Variants in JAKMIP3 observed in about 807,000 individuals in gnomAD.
JAKMIP3 encodes the protein janus kinase and microtubule-interacting protein 3.
JAKMIP3 carries 58 observed loss-of-function variants against 118.5 expected under a neutral mutation model. That is an observed-to-expected ratio of 0.49 (90% CI 0.40 to 0.61). JAKMIP3 has a LOEUF of 0.61. Ranked by LOEUF, JAKMIP3 falls within the 20% of genes least tolerant of loss-of-function variation. The pLI, the probability that JAKMIP3 is intolerant of heterozygous loss-of-function variation, is 0.00. For synonymous variants in JAKMIP3, 486 were observed against 451.2 expected, an observed-to-expected ratio of 1.08 and a Z score of -0.98; for missense variants, 950 against 1,109.0, an observed-to-expected ratio of 0.86 and a Z score of 2.04.
In JAKMIP3 at chr10:132,099,219, G is replaced by A. The variant is rs189690851; in HGVS notation, c.-137-5453G>A. On this transcript the variant is annotated intron_variant, in intron 1 of 23. Coordinates refer to ENST00000684848, the MANE Select transcript of JAKMIP3 (RefSeq NM_001323087.2). ...ACAGAGTGGAGCAAAGCTCTAAGGG[G>A]GCCAGCCTCCTCGTCAGCGACACTG... Among the ~76,000 whole-genome samples, 4 of 152,154 alleles carry A rather than the reference G, an allele frequency of 2.6e-5. No individual in the cohort carries two copies. In the East Asian group the frequency reaches 7.7e-4, roughly 29 times the overall value.
intron 12 of JAKMIP3, 143 bp from the exon 13 acceptor site, chr10:132,145,375 G>T (rs1006473991): frequency 2.1e-6 from 2 of 940,880 alleles, no homozygotes; most frequent in South Asian, 1.6e-5. Context: ...CACCACGCCC[G>T]GCTAATTTTT....
At chr10:132,102,097 T>G (rs11146171) in intron 1 of JAKMIP3, among the ~76,000 whole-genome samples, 12 of 151,924 alleles carry the variant, frequency 7.9e-5, no homozygotes, top group Non-Finnish European at 1.3e-4. Context: ...CAGAACCTCC[T>G]GTCCCATCTC....
rs748245231 is a variant in JAKMIP3, at chr10:132,133,358, G to A, written c.680G>A (p.Arg227Lys). 1.2e-6 allele frequency: 2 copies of A among 1,602,098 alleles called. No individual in the cohort carries two copies. The highest frequency in any genetic ancestry group is 1.3e-5 in the African/African-American group (1 of 74,830). The change falls in exon 4 of 24, where the codon AGA becomes AAA. Residue 227 changes from arginine (R) to lysine (K), a missense_variant. Arg to Lys is a conservative substitution (Grantham distance 26, BLOSUM62 2). Coordinates refer to ENST00000684848, the MANE Select transcript of JAKMIP3 (RefSeq NM_001323087.2). ...GACAGAGCAGTCTTCGTGCTGGAGA[G>A]AGAGTTAGGGGTTCAAGCCGGGCAT... ...FKDRAVFVLE[R>K]ELGVQAGHAQ...
chr10:132,124,889 T>C (rs542212480), intron 3 of JAKMIP3, among the ~76,000 whole-genome samples: 2 of 152,368 alleles, frequency 1.3e-5, no homozygotes, highest in East Asian at 3.9e-4. Flanking sequence ...GCCATTTCTT[T>C]AGGACAGCGG....
At chr10:132,160,495 TG>T (rs554766446) in intron 19 of JAKMIP3, among the ~76,000 whole-genome samples, 5 of 17,884 alleles carry the variant, frequency 2.8e-4, no homozygotes, top group Admixed American at 4.5e-4. Flanking sequence ...TGTGTGATGC[TG>T]GGGGGGCCTC....
chr10:132,075,206 G>A (rs142004768), intron 1 of JAKMIP3, among the ~76,000 whole-genome samples: 13 of 152,238 alleles, frequency 8.5e-5, no homozygotes, highest in African/African-American at 4.8e-5. Context: ...TGTGAAAAAT[G>A]ATGTTGGTAA....
chr10:132,115,300 C>T (rs2047466775), intron 2 of JAKMIP3, among the ~76,000 whole-genome samples: 1 of 150,562 alleles, frequency 6.6e-6, no homozygotes, highest in Admixed American at 6.6e-5. Flanking sequence ...TGGCGGGGCA[C>T]TGATCATGGT....
At chr10:132,123,749 A>G (rs2048982306) in intron 3 of JAKMIP3, among the ~76,000 whole-genome samples, 1 of 152,160 alleles carries the variant, frequency 6.6e-6, no homozygotes, top group Non-Finnish European at 1.5e-5. Context: ...TGGCTCCCAC[A>G]TGATGCTTTG....
intron 19 of JAKMIP3, among the ~76,000 whole-genome samples, chr10:132,159,563 GGGGGGCGTGTCTCCCTGTGTGATGCT>G (rs1218069009): frequency 1.9e-5 from 2 of 104,632 alleles, no homozygotes; most frequent in Non-Finnish European, 3.9e-5. Flanking sequence ...TGTGATGCTG[GGGGGGCGTGTCTCCCTGTGTGATGCT>G]GGGGGCATGT....
intron 1 of JAKMIP3, among the ~76,000 whole-genome samples, chr10:132,073,959 A>C (rs1309969563): frequency 6.6e-6 from 1 of 152,206 alleles, no homozygotes; most frequent in Non-Finnish European, 1.5e-5. Flanking sequence ...ACGGTTTTCC[A>C]TAGAGGTTGT....
chr10:132,163,079 G>C (rs1479079707), intron 19 of JAKMIP3, 130 bp from the exon 20 acceptor site: 3 of 862,312 alleles, frequency 3.5e-6, no homozygotes, highest in Non-Finnish European at 5.3e-6. Flanking sequence ...CCACAGCACT[G>C]GGTCCCTCCC....
Position 132,118,848 on chromosome 10 carries a change from G to A in JAKMIP3, c.633+1274G>A, listed in dbSNP as rs180895138. On this transcript the variant is annotated intron_variant, in intron 3 of 23. Transcript: ENST00000684848. This position sits in a 1 kb window ranked among gnomAD's most constrained non-coding sequence, Gnocchi z 4.8. ...ACCGGGTGCTTTCTTCGCGTGACACGATGCTTGCTTTTCTGTGCGGGGAAG... is the reference window on the plus strand; with the variant it reads ...ACCGGGTGCTTTCTTCGCGTGACACAATGCTTGCTTTTCTGTGCGGGGAAG... Among the ~76,000 whole-genome samples the A allele has an allele frequency of 5.4e-4, 83 of 152,322 alleles. No homozygotes were observed. Among genetic ancestry groups the A allele is most frequent in the African/African-American group, 1.8e-3 (76 of 41,578 alleles).
intron 19 of JAKMIP3, among the ~76,000 whole-genome samples, chr10:132,159,722 G>GGT (rs2057743649): frequency 9.2e-6 from 1 of 108,834 alleles, no homozygotes; most frequent in Non-Finnish European, 1.8e-5. Context: ...GATGCTGGGG[G>GGT]CATGTCTTCC....
intron 16 of JAKMIP3, 100 bp from the exon 17 acceptor site, chr10:132,152,858 C>T (rs2056455594): frequency 3.3e-6 from 3 of 914,010 alleles, no homozygotes; most frequent in South Asian, 2.9e-5. Flanking sequence ...CAGGCGTCCC[C>T]AGTCAGCCTC....
chr10:132,037,324 CT>C (rs1314360278), intron 1 of JAKMIP3, among the ~76,000 whole-genome samples: 1 of 152,146 alleles, frequency 6.6e-6, no homozygotes, highest in African/African-American at 2.4e-5. Flanking sequence ...CTGCCCCCGT[CT>C]GAGGTCTGGC....
At chr10:132,098,776 G>A (rs2044373141) in intron 1 of JAKMIP3, among the ~76,000 whole-genome samples, 1 of 152,160 alleles carries the variant, frequency 6.6e-6, no homozygotes, top group Non-Finnish European at 1.5e-5. Context: ...TGAGGAGGGG[G>A]CTCTTTACCA....
rs116965169 is a variant in JAKMIP3, at chr10:132,097,917, C to T, written c.-137-6755C>T. On this transcript the variant is annotated intron_variant, in intron 1 of 23. Coordinates refer to ENST00000684848, the MANE Select transcript of JAKMIP3 (RefSeq NM_001323087.2). ...TCCCCTTCCCCTTCCCCTTCCCCTT[C>T]CCCTTTCCTTCCCCTTCCCCTTTCC... Among the ~76,000 whole-genome samples the T allele has an allele frequency of 7.0e-4, 39 of 55,872 alleles. 1 individual carries two copies. The highest frequency in any genetic ancestry group is 1.4e-3 in the African/African-American group (22 of 16,146). 36.7% of individuals were successfully genotyped at this position (55,872 alleles called of 152,430 possible). A position where few individuals can be genotyped will look rare whatever the true frequency, so the allele number is the denominator to read the frequency against.
chr10:132,136,936 G>A, intron 6 of JAKMIP3, 83 bp from the exon 7 acceptor site: 1 of 1,489,054 alleles, frequency 6.7e-7, no homozygotes, highest in South Asian at 1.3e-5. Flanking sequence ...CGGGTTGAGG[G>A]AGAAGACCCC....
At chr10:132,171,532 T>C (rs2059478950) in intron 23 of JAKMIP3, among the ~76,000 whole-genome samples, 1 of 152,186 alleles carries the variant, frequency 6.6e-6, no homozygotes, top group South Asian at 2.1e-4. Context: ...TCCAATTAGC[T>C]TTTTTCCCCA....
Sources: allele counts gnomAD v4.1 joint callset (sites outside exome capture counted in the v4.1 genomes callset), GRCh38; gene constraint gnomAD v4.1.1; non-coding constraint Gnocchi (gnomAD v3.1); transcripts MANE v1.5; gene names NCBI Gene and HGNC (gene_info 2026-07-23, HGNC 2026-07-21).